TRIOBP: variants seen among roughly 807,000 people sequenced by gnomAD.
TRIOBP encodes the protein TRIO and F-actin binding protein.
In TRIOBP, 169 loss-of-function variants were observed where a neutral mutation model predicts 238.8. The observed-to-expected ratio is 0.71, with a 90% CI of 0.62 to 0.80. TRIOBP has a LOEUF of 0.80. Among genes scored for constraint, TRIOBP ranks in the 30% least tolerant of loss-of-function variants. The pLI is 0.00. For synonymous variants in TRIOBP, 1,150 were observed against 1,274.4 expected, an observed-to-expected ratio of 0.90 and a Z score of 2.08; for missense variants, 2,838 against 3,122.6, an observed-to-expected ratio of 0.91 and a Z score of 2.17.
Position 37,734,453 on chromosome 22 carries a change from C to G in TRIOBP, c.4117C>G (p.Pro1373Ala), listed in dbSNP as rs779882312. ...ACTGACCCGGCGGAGCCAAGCAGAG[C>G]CCCCTCATCCTTGGAGTCCTGAGAA... The part of the protein sequence containing the change: ...AELTRRSQAE[P>A]PHPWSPEKRP... Residue 1373 changes from proline to alanine, a missense_variant, in exon 9 of 24, where the codon CCC becomes GCC. Around this residue, in one of 5 missense-constraint regions of TRIOBP, gnomAD observed 2,096 missense variants for 2,137.4 expected, o/e 0.98. Coordinates refer to ENST00000644935, the MANE Select transcript of TRIOBP (RefSeq NM_001039141.3). 1.9e-6 allele frequency: 3 copies of G among 1,612,844 alleles called. No individual in the cohort carries two copies. The Admixed American group carries it at 5.0e-5, about 27-fold the overall frequency.
In TRIOBP at chr22:37,723,359, A is replaced by G. The variant is rs1392125269; in HGVS notation, c.803A>G (p.Gln268Arg). The part of the protein sequence containing the change: ...QASPAQRDTA[Q>R]AASTREIPRA... ...TCTCCTGCCCAAAGGGACACTGCTC[A>G]GGCTGCCTCTACACGTGAAATCCCC... The change falls in exon 7 of 24, where the codon CAG becomes CGG. Residue 268 changes from glutamine (Q) to arginine (R), a missense_variant. By Grantham distance (43) the Gln-to-Arg change is conservative. Transcript: ENST00000644935. The G allele has an allele frequency of 1.2e-6, 2 of 1,614,034 alleles. No homozygotes were observed. Among genetic ancestry groups the G allele is most frequent in the African/African-American group, 2.7e-5 (2 of 74,980 alleles).
chr22:37,721,582 C>T (rs958225511), intron 6 of TRIOBP, among the ~76,000 whole-genome samples: 8 of 152,164 alleles, frequency 5.3e-5, no homozygotes, highest in Admixed American at 6.5e-5. Context: ...GGCTCAGGCA[C>T]TCCTCCGGCC....
chr22:37,697,293 A>G (rs1489145041), intron 1 of TRIOBP, among the ~76,000 whole-genome samples: 1 of 152,150 alleles, frequency 6.6e-6, no homozygotes, highest in Non-Finnish European at 1.5e-5. Flanking sequence ...GATTCTGCCT[A>G]TTGGTTGTGG....
In TRIOBP at chr22:37,735,394, C is replaced by G. The variant is rs113459040; in HGVS notation, c.5058C>G (p.Pro1686=). The G allele has an allele frequency of 2.0e-4, 326 of 1,602,540 alleles. 2 individuals are homozygous for G. In the African/African-American group the frequency reaches 4.0e-3, roughly 19 times the overall value. ...ATLAGLEQTG[P]LGSRSTAKGP... is the part of the protein sequence containing the mutation. ...TGGCAGGCCTGGAGCAGACGGGCCC[C>G]CTGGGGAGCAGGAGCACTGCGAAGG... Residue 1686 remains proline (P), a synonymous_variant, in exon 9 of 24, where the codon CCC becomes CCG. Transcript: ENST00000644935.
Position 37,740,923 on chromosome 22 carries a change from C to T in TRIOBP, c.5213C>T (p.Ala1738Val). Residue 1738 changes from alanine to valine, a missense_variant, in exon 11 of 24, where the codon GCT becomes GTT. Transcript: ENST00000644935. ...GACAAGAGGCCAGCAGAGGGCAAGG[C>T]TGGGAGCCCGCTCAAGGGCCGACTG... ...SADKRPAEGK[A>V]GSPLKGRLVT... is the part of the protein sequence containing the mutation. The T allele has an allele frequency of 6.4e-7, 1 of 1,573,780 alleles. No individual in the cohort carries two copies. The highest frequency in any genetic ancestry group is 1.2e-5 in the South Asian group (1 of 85,660).
At chr22:37,705,607 G>A (rs768658920) in intron 3 of TRIOBP, among the ~76,000 whole-genome samples, 1 of 151,634 alleles carries the variant, frequency 6.6e-6, no homozygotes, top group Non-Finnish European at 1.5e-5. Context: ...ATGGAGTCTC[G>A]CTCTGTCGCA....
At position 37,723,514 on chromosome 22, in the gene TRIOBP, C is replaced by A. The variant is rs746560100; in HGVS notation, c.958C>A (p.Pro320Thr). The change falls in exon 7 of 24, where the codon CCT (proline) becomes ACT (threonine). Residue 320 changes from proline to threonine, a missense_variant. Around this residue, in one of 5 missense-constraint regions of TRIOBP, gnomAD observed 535 missense variants for 537.3 expected, o/e 1.00. Transcript: ENST00000644935. Reference sequence around the variant, plus strand: ...GGCCTCATCCACCCAAGAGGACACCCCTAGGGCCTCATCCACCCAAGAGGA... The same window carrying A: ...GGCCTCATCCACCCAAGAGGACACCACTAGGGCCTCATCCACCCAAGAGGA... ...SRASSTQEDT[P>T]RASSTQEDTP... 13 of 1,613,274 alleles carry A rather than the reference C, an allele frequency of 8.1e-6. No homozygotes were observed. The African/African-American group carries it at 1.7e-4, about 22-fold the overall frequency.
At chr22:37,746,485 C>A in intron 11 of TRIOBP, 1 of 1,306,152 alleles carries the variant, frequency 7.7e-7, no homozygotes, top group Non-Finnish European at 1.0e-6. Context: ...GAGGCAGAGC[C>A]CAGCCTCTCC....
chr22:37,773,008 A>T (rs1390528270), intron 23 of TRIOBP, among the ~76,000 whole-genome samples: 3 of 152,218 alleles, frequency 2.0e-5, no homozygotes, highest in African/African-American at 7.2e-5. Context: ...GCAGAGCCAC[A>T]GCCTACTCAG....
rs1237876290 is a variant in TRIOBP, at chr22:37,735,173, C to T, written c.4837C>T (p.Leu1613=). The T allele has an allele frequency of 3.1e-6, 5 of 1,609,844 alleles. No individual in the cohort carries two copies. Among genetic ancestry groups the T allele is most frequent in the Non-Finnish European group, 3.4e-6 (4 of 1,177,434 alleles). The part of the protein sequence containing the change: ...DDLARALGPE[L]GPPGTNDVPE... ...CCTGGCCAGGGCTTTAGGGCCAGAG[C>T]TGGGTCCCCCAGGCACAAACGATGT... The change falls in exon 9 of 24, where the codon CTG becomes TTG. Residue 1613 remains leucine (L), a synonymous_variant. Transcript: ENST00000644935.
chr22:37,766,911 AG>A (rs1926524538), intron 18 of TRIOBP, among the ~76,000 whole-genome samples: 1 of 150,962 alleles, frequency 6.6e-6, no homozygotes, highest in Non-Finnish European at 1.5e-5. Context: ...CAGTGAGCTG[AG>A]ATTGCACCAC....
chr22:37,723,121 A>T lies in TRIOBP; in HGVS notation c.629-64A>T, dbSNP rs1923918385. On this transcript the variant is annotated intron_variant, in intron 6 of 23. Transcript: ENST00000644935. ...ATCACTGGTCCTAAGGGACAAAGAA[A>T]GGTAGAATATGAGAGCTGCCTGGAC... 9 of 1,561,198 alleles carry T rather than the reference A, an allele frequency of 5.8e-6. No individual in the cohort carries two copies. In the Admixed American group the frequency reaches 1.5e-4, roughly 27 times the overall value.
chr22:37,720,260 G>A (rs1347362704), intron 6 of TRIOBP, among the ~76,000 whole-genome samples: 2 of 151,900 alleles, frequency 1.3e-5, no homozygotes, highest in South Asian at 2.1e-4. Flanking sequence ...CCGCTGATCC[G>A]CCTGCCTCGG....
chr22:37,741,978 G>T (rs1200520399), intron 11 of TRIOBP, among the ~76,000 whole-genome samples: 1 of 152,192 alleles, frequency 6.6e-6, no homozygotes, highest in African/African-American at 2.4e-5. Flanking sequence ...AAAAAATTAA[G>T]ACGGAGTCTC....
intron 2 of TRIOBP, among the ~76,000 whole-genome samples, chr22:37,699,378 GAC>G (rs1206848021): frequency 6.6e-6 from 1 of 151,934 alleles, no homozygotes; most frequent in Non-Finnish European, 1.5e-5. Context: ...AGAGAGCAGG[GAC>G]ACACACAGCC....
At position 37,725,768 on chromosome 22, in the gene TRIOBP, C is replaced by G. The variant is rs764764817; in HGVS notation, c.3212C>G (p.Pro1071Arg). The stretch of plus-strand genomic sequence containing the variant: ...GTGTGCATTGGACACCGAGATGCCC[C>G]CCGGGCGTCCTCGCCCCCCCGCCAC... ...PAVCIGHRDA[P>R]RASSPPRHTQ... Residue 1071 changes from proline (P) to arginine (R), a missense_variant, in exon 7 of 24, where the codon CCC becomes CGC. By Grantham distance (103) the Pro-to-Arg change is moderately radical. Transcript: ENST00000644935. The G allele has an allele frequency of 3.1e-6, 5 of 1,611,244 alleles. No homozygotes were observed. In the Admixed American group the frequency reaches 8.3e-5, roughly 27 times the overall value.
intron 9 of TRIOBP, 104 bp from the exon 10 acceptor site, chr22:37,738,538 T>G (rs566732485): frequency 9.4e-7 from 1 of 1,068,024 alleles, no homozygotes. Context: ...GGACGTTAGA[T>G]GGGTGTTGCA....
rs1354994956 is a variant in TRIOBP at position 37,740,958 on chromosome 22, T to C, written c.5248T>C (p.Trp1750Arg). 1.3e-6 allele frequency: 2 copies of C among 1,565,138 alleles called. No individual in the cohort carries two copies. Residue 1750 changes from tryptophan (W) to arginine (R), a missense_variant, in exon 11 of 24, where the codon TGG (tryptophan) becomes CGG (arginine). Physicochemically the swap from Trp to Arg is moderately radical, Grantham distance 101. Coordinates refer to ENST00000644935, the MANE Select transcript of TRIOBP (RefSeq NM_001039141.3). ...SPLKGRLVTS[W>R]RMPGDRPTLF... ...GCTCAAGGGCCGACTGGTGACCTCA[T>C]GGCGGATGCCCGGGGACCGGCCCAC...
At chr22:37,703,601 T>G (rs1258885633) in intron 3 of TRIOBP, among the ~76,000 whole-genome samples, 1 of 149,058 alleles carries the variant, frequency 6.7e-6, no homozygotes, top group Non-Finnish European at 1.5e-5. Flanking sequence ...GCCTCCCAGG[T>G]TTATGCCATT....
Sources: allele counts gnomAD v4.1 joint callset (sites outside exome capture counted in the v4.1 genomes callset), GRCh38; gene constraint gnomAD v4.1.1; regional missense constraint gnomAD v4.1.1; transcripts MANE v1.5; gene names NCBI Gene and HGNC (gene_info 2026-07-23, HGNC 2026-07-21).